The following FRMD3 variants were observed in gnomAD, a reference collection of about 807,000 sequenced individuals.
FRMD3 encodes the protein FERM domain-containing protein 3.
Under a neutral mutation model 70.2 loss-of-function variants are expected in FRMD3, and 33 were observed. That is an observed-to-expected ratio of 0.47 (90% CI 0.36 to 0.63). The LOEUF (loss-of-function observed/expected upper bound fraction) is 0.63. Among genes scored for constraint, FRMD3 ranks in the 20% least tolerant of loss-of-function variants. The pLI is 0.00. For missense variants in FRMD3, 632 were observed against 711.4 expected (o/e 0.89, Z 1.27); for synonymous variants, 279 against 255.9 (o/e 1.09, Z -0.86).
intron 1 of FRMD3, among the ~76,000 whole-genome samples, chr9:83,512,308 G>A (rs531500486): frequency 1.8e-4 from 28 of 152,292 alleles, no homozygotes; most frequent in Admixed American, 1.8e-3. Flanking sequence ...CTGGGGTGCA[G>A]GAACATCCCT....
At position 83,537,139 on chromosome 9, in the gene FRMD3, A is replaced by G. The variant is rs1160396021; in HGVS notation, c.147+946T>C. On this transcript the variant is annotated intron_variant, in intron 1 of 13. Coordinates refer to ENST00000304195, the MANE Select transcript of FRMD3 (RefSeq NM_174938.6). This position sits in a 1 kb window ranked among gnomAD's most constrained non-coding sequence, Gnocchi z 4.1. ...GGAAGAGGGGCTCCCACCTGCCTAC[A>G]TATTCACCCACAGCAAATATGCACA... 6.6e-6 allele frequency among the ~76,000 whole-genome samples: 1 copy of G among 152,008 alleles called. No individual in the cohort carries two copies. Among genetic ancestry groups the G allele is most frequent in the African/African-American group, 2.4e-5 (1 of 41,374 alleles).
At chr9:83,379,300 G>A (rs947767943) in intron 2 of FRMD3, among the ~76,000 whole-genome samples, 3 of 152,094 alleles carry the variant, frequency 2.0e-5, no homozygotes, top group Admixed American at 2.0e-4. Context: ...CCATGATGTG[G>A]CATGCTTGGT....
the FRMD3 span, among the ~76,000 whole-genome samples, chr9:83,563,252 C>T: frequency 6.6e-6 from 1 of 152,162 alleles, no homozygotes. Flanking sequence ...TTCACTCCAC[C>T]CTCACCTACT....
chr9:83,552,966 C>T, the FRMD3 span, among the ~76,000 whole-genome samples: 1 of 152,016 alleles, frequency 6.6e-6, no homozygotes. Flanking sequence ...TTAAGAGAGA[C>T]AATTAACCCA....
chr9:83,576,420 G>A, the FRMD3 span, among the ~76,000 whole-genome samples: 2 of 152,002 alleles, frequency 1.3e-5, no homozygotes, highest in Non-Finnish European at 2.9e-5. Flanking sequence ...CTACAAGAAA[G>A]CCCACAGCTA....
chr9:83,559,157 A>G, the FRMD3 span, among the ~76,000 whole-genome samples: 1 of 152,230 alleles, frequency 6.6e-6, no homozygotes, highest in Admixed American at 6.5e-5. Flanking sequence ...ATTAAAGGCT[A>G]TCAAACAGCA....
At chr9:83,307,376 A>G (rs1259094815) in intron 10 of FRMD3, among the ~76,000 whole-genome samples, 1 of 152,254 alleles carries the variant, frequency 6.6e-6, no homozygotes, top group Non-Finnish European at 1.5e-5. Flanking sequence ...TCGTAGCAGC[A>G]TTACTCATAG....
intron 10 of FRMD3, among the ~76,000 whole-genome samples, chr9:83,305,648 C>CA: frequency 6.6e-6 from 1 of 152,166 alleles, no homozygotes; most frequent in Non-Finnish European, 1.5e-5. Context: ...GCCAAGGTCC[C>CA]ACAGCTGGGC....
At position 83,246,098 on chromosome 9, in the gene FRMD3, G is replaced by C. The variant is rs1021458232; in HGVS notation, c.*1820C>G. The C allele has an allele frequency of 1.0e-6, 1 of 985,210 alleles. No individual in the cohort carries two copies. Among genetic ancestry groups the C allele is most frequent in the Admixed American group, 6.1e-5 (1 of 16,262 alleles). The allele number at this position is 985,210 out of a possible 1,614,324, so 61.0% of individuals were successfully genotyped here. On this transcript the variant is annotated 3_prime_UTR_variant, in exon 14 of 14. Coordinates refer to ENST00000304195, the MANE Select transcript of FRMD3 (RefSeq NM_174938.6). Reference sequence around the variant, plus strand: ...ACTCATTTCCAAAATTAAATGTCCAGTGAAGTACTCAGAGCTCCACTGAGT... The same window carrying C: ...ACTCATTTCCAAAATTAAATGTCCACTGAAGTACTCAGAGCTCCACTGAGT...
the FRMD3 span, among the ~76,000 whole-genome samples, chr9:83,570,490 A>G: frequency 6.6e-6 from 1 of 152,198 alleles, no homozygotes; most frequent in East Asian, 1.9e-4. Context: ...TAGTGTTCTC[A>G]GCAAATAATG....
At chr9:83,374,487 C>A (rs996473733) in intron 2 of FRMD3, among the ~76,000 whole-genome samples, 1 of 152,114 alleles carries the variant, frequency 6.6e-6, no homozygotes, top group African/African-American at 2.4e-5. Context: ...TGAGGACCCT[C>A]GTTATTGCCT....
intron 1 of FRMD3, among the ~76,000 whole-genome samples, chr9:83,518,237 AC>A (rs1829495606): frequency 6.6e-6 from 1 of 152,106 alleles, no homozygotes; most frequent in Admixed American, 6.5e-5. Flanking sequence ...TATTTAGAAA[AC>A]CCCATCATCT....
downstream of FRMD3, among the ~76,000 whole-genome samples, chr9:83,243,823 T>C (rs146305850): frequency 2.0e-5 from 3 of 152,206 alleles, no homozygotes; most frequent in African/African-American, 7.2e-5. Flanking sequence ...AGTAACACCT[T>C]TTGGTTTAAC....
At chr9:83,317,193 T>TAC (rs71823603) in intron 6 of FRMD3, among the ~76,000 whole-genome samples, 8,439 of 145,032 alleles carry the variant, frequency 0.058, 368 homozygotes, top group African/African-American at 0.13. Context: ...CTCTCATGCA[T>TAC]ACACACACAC....
chr9:83,429,077 T>C (rs746372453), intron 1 of FRMD3, among the ~76,000 whole-genome samples: 2 of 152,218 alleles, frequency 1.3e-5, no homozygotes, highest in Non-Finnish European at 1.5e-5. Context: ...CTAAATTTAT[T>C]TGTGCTGAGG....
At chr9:83,269,796 A>G (rs1833467880) in intron 13 of FRMD3, among the ~76,000 whole-genome samples, 1 of 152,230 alleles carries the variant, frequency 6.6e-6, no homozygotes. Flanking sequence ...CATAATATTT[A>G]GCATTTCACA....
chr9:83,448,821 C>T (rs1416594262), intron 1 of FRMD3, among the ~76,000 whole-genome samples: 2 of 152,214 alleles, frequency 1.3e-5, no homozygotes, highest in African/African-American at 4.8e-5. Flanking sequence ...CAGTGACCAA[C>T]AGTTACCTCT....
intron 5 of FRMD3, among the ~76,000 whole-genome samples, chr9:83,340,767 G>T (rs1029542437): frequency 1.3e-5 from 2 of 152,202 alleles, no homozygotes; most frequent in African/African-American, 4.8e-5. Context: ...GACTGGTTTT[G>T]TATTCCTTGT....
rs187151637 is a variant in FRMD3 at position 83,247,078 on chromosome 9, C to T, written c.*840G>A. 30 of 985,372 alleles carry T rather than the reference C, an allele frequency of 3.0e-5. No individual in the cohort carries two copies. The highest frequency in any genetic ancestry group is 5.2e-4 in the Middle Eastern group (1 of 1,914). The allele number at this position is 985,372 out of a possible 1,614,324, so 61.0% of individuals were successfully genotyped here. On this transcript the variant is annotated 3_prime_UTR_variant, in exon 14 of 14. Coordinates refer to ENST00000304195, the MANE Select transcript of FRMD3 (RefSeq NM_174938.6). ...CATCTGCTTCTCCAGCCAAAATATA[C>T]GGACAGAATACAAATGAAAATAACA...
Sources: allele counts gnomAD v4.1 joint callset (sites outside exome capture counted in the v4.1 genomes callset), GRCh38; gene constraint gnomAD v4.1.1; non-coding constraint Gnocchi (gnomAD v3.1); transcripts MANE v1.5; gene names NCBI Gene and HGNC (gene_info 2026-07-23, HGNC 2026-07-21).